STRN3: variants seen among roughly 807,000 people sequenced by gnomAD.
STRN3 encodes striatin-3.
In STRN3, 29 loss-of-function variants were observed where a neutral mutation model predicts 95.6. That is an observed-to-expected ratio of 0.30 (90% CI 0.23 to 0.41). The LOEUF is 0.41. STRN3 is among the 10% of genes least tolerant of loss of function. The pLI, the probability that STRN3 is intolerant of heterozygous loss-of-function variation, is 1.00. For missense variants in STRN3, 890 were observed against 972.1 expected, an observed-to-expected ratio of 0.92 and a Z score of 1.12; for synonymous variants, 331 against 357.6, an observed-to-expected ratio of 0.93 and a Z score of 0.84.
chr14:30,936,239 A>G (rs776541631), intron 6 of STRN3, among the ~76,000 whole-genome samples: 1 of 152,230 alleles, frequency 6.6e-6, no homozygotes, highest in Non-Finnish European at 1.5e-5. Flanking sequence ...TGGAAAGGGC[A>G]TTGCTTTAAA....
At chr14:30,914,502 G>A (rs1210439748) in intron 9 of STRN3, among the ~76,000 whole-genome samples, 1 of 152,012 alleles carries the variant, frequency 6.6e-6, no homozygotes, top group Non-Finnish European at 1.5e-5. Context: ...ACAGGCGCCC[G>A]CCACCACGCC....
At chr14:30,898,803 C>A (rs1293030239) in intron 16 of STRN3, among the ~76,000 whole-genome samples, 2 of 152,240 alleles carry the variant, frequency 1.3e-5, no homozygotes, top group African/African-American at 4.8e-5. Context: ...GATGCCACTG[C>A]ACATGCCCAT....
intron 8 of STRN3, among the ~76,000 whole-genome samples, chr14:30,926,000 TC>T (rs540577069): frequency 5.3e-4 from 80 of 152,232 alleles, no homozygotes; most frequent in African/African-American, 1.9e-3. Context: ...TGAATTAAGA[TC>T]ATTAGAAGTT....
At chr14:31,008,202 AAAAAG>A (rs1234716176) in intron 1 of STRN3, among the ~76,000 whole-genome samples, 6 of 21,996 alleles carry the variant, frequency 2.7e-4, no homozygotes, top group Non-Finnish European at 9.6e-4. Flanking sequence ...AAAAAAAAAG[AAAAAG>A]AAAAGAAAAC....
intron 5 of STRN3, among the ~76,000 whole-genome samples, chr14:30,945,880 G>GA (rs1198395117): frequency 6.6e-6 from 1 of 152,140 alleles, no homozygotes; most frequent in East Asian, 1.9e-4. Flanking sequence ...AATGGGTATG[G>GA]GGTTTCTTTT....
At chr14:30,929,507 T>A (rs1566441058) in intron 7 of STRN3, among the ~76,000 whole-genome samples, 196 bp from the exon 8 acceptor site, 1 of 152,150 alleles carries the variant, frequency 6.6e-6, no homozygotes. Flanking sequence ...TTTCTAAACA[T>A]TTAATATCAA....
chr14:30,938,727 T>C (rs750791534), intron 5 of STRN3, among the ~76,000 whole-genome samples: 50 of 152,232 alleles, frequency 3.3e-4, no homozygotes, highest in Admixed American at 8.5e-4. Flanking sequence ...TTATATTTCA[T>C]GAAAAACTTG....
At chr14:30,969,889 G>A (rs746994968) in intron 1 of STRN3, among the ~76,000 whole-genome samples, 2 of 151,914 alleles carry the variant, frequency 1.3e-5, no homozygotes, top group Middle Eastern at 3.4e-3. Context: ...AAAAAAACTC[G>A]AGCCAGCATG....
chr14:30,895,851 CTTT>C, intron 16 of STRN3, 103 bp from the exon 17 acceptor site: 1 of 968,144 alleles, frequency 1.0e-6, no homozygotes, highest in African/African-American at 1.7e-5. Context: ...ATTATAGCAA[CTTT>C]TTTATTGTGG....
intron 1 of STRN3, among the ~76,000 whole-genome samples, chr14:30,982,834 T>TA (rs1189584282): frequency 6.6e-6 from 1 of 152,144 alleles, no homozygotes; most frequent in Non-Finnish European, 1.5e-5. Context: ...GTGCCGATCA[T>TA]AGTACCTGTT....
chr14:30,911,295 CTTTT>C (rs11297035), intron 12 of STRN3, 133 bp from the exon 13 acceptor site: 5,858 of 448,680 alleles, frequency 0.013, no homozygotes, highest in South Asian at 0.023. Context: ...CTGACTGGTA[CTTTT>C]TTTTTTTTTT....
At chr14:30,939,401 A>G (rs1179999476) in intron 5 of STRN3, among the ~76,000 whole-genome samples, 1 of 152,136 alleles carries the variant, frequency 6.6e-6, no homozygotes, top group Non-Finnish European at 1.5e-5. Flanking sequence ...CGCAGTCTGG[A>G]GTGGAGTTGA....
chr14:30,981,603 C>T (rs557307726), intron 1 of STRN3, among the ~76,000 whole-genome samples: 226 of 151,942 alleles, frequency 1.5e-3, no homozygotes, highest in Non-Finnish European at 2.8e-3. Context: ...CACACACACA[C>T]ACACCCCATA....
intron 1 of STRN3, among the ~76,000 whole-genome samples, chr14:31,004,740 T>C (rs1490874936): frequency 1.3e-5 from 2 of 152,094 alleles, no homozygotes; most frequent in Non-Finnish European, 1.5e-5. Context: ...GCCATTGCAC[T>C]GCAGCCTGGG....
intron 1 of STRN3, among the ~76,000 whole-genome samples, chr14:30,963,945 T>C (rs1202728273): frequency 3.3e-5 from 5 of 152,168 alleles, no homozygotes; most frequent in Non-Finnish European, 7.3e-5. Context: ...TAGATATAAA[T>C]GCTTACATTA....
At chr14:30,910,545 A>T (rs1169721124) in intron 13 of STRN3, among the ~76,000 whole-genome samples, 1 of 151,984 alleles carries the variant, frequency 6.6e-6, no homozygotes, top group East Asian at 1.9e-4. Flanking sequence ...TCTAAAAGCT[A>T]CATTTGCAAG....
chr14:31,013,863 T>TTTATTATTA lies in STRN3; in HGVS notation c.282+12032_282+12040dup, dbSNP rs548417882. On this transcript the variant is annotated intron_variant, in intron 1 of 17. Coordinates refer to ENST00000357479, the MANE Select transcript of STRN3 (RefSeq NM_001083893.2). ...TCCTGCCTTGGCTTCTCAAAGCAAT[T>TTTATTATTA]TTATTATTATTATTATTATTATTAT... 5.6e-3 allele frequency among the ~76,000 whole-genome samples: 450 copies of TTTATTATTA among 81,008 alleles called. 1 individual carries two copies. Among genetic ancestry groups the TTTATTATTA allele is most frequent in the Middle Eastern group, 0.02 (3 of 152 alleles). 53.1% of individuals were successfully genotyped at this position (81,008 alleles called of 152,430 possible). A position where few individuals can be genotyped will look rare whatever the true frequency, so the allele number is the denominator to read the frequency against.
At chr14:30,927,091 G>A (rs1878217132) in intron 8 of STRN3, among the ~76,000 whole-genome samples, 2 of 152,096 alleles carry the variant, frequency 1.3e-5, no homozygotes, top group African/African-American at 4.8e-5. Context: ...ATGGCCTGAG[G>A]CCAAGAGTTC....
At chr14:31,019,613 CT>C (rs1352522667) in intron 1 of STRN3, among the ~76,000 whole-genome samples, 1 of 152,054 alleles carries the variant, frequency 6.6e-6, no homozygotes, top group African/African-American at 2.4e-5. Flanking sequence ...GTACTCTGAA[CT>C]AAGGCAGTAT....
Sources: allele counts gnomAD v4.1 joint callset (sites outside exome capture counted in the v4.1 genomes callset), GRCh38; gene constraint gnomAD v4.1.1; transcripts MANE v1.5; gene names NCBI Gene and HGNC (gene_info 2026-07-23, HGNC 2026-07-21).